Variants in DUS2 observed in about 807,000 individuals in gnomAD.
DUS2 encodes the protein dihydrouridine synthase 2, also known as tRNA-dihydrouridine(20) synthase [NAD(P)+]-like.
DUS2 carries 52 observed loss-of-function variants against 71.3 expected under a neutral mutation model. The ratio of observed to expected loss-of-function variants is 0.73; its 90% CI spans 0.58 to 0.92. The LOEUF is 0.92. DUS2 is among the 40% of genes least tolerant of loss of function. The pLI is 0.00. For synonymous variants in DUS2, 204 were observed against 227.8 expected (o/e 0.90, Z 0.94); for missense variants, 558 against 622.6 (o/e 0.90, Z 1.10).
intron 3 of DUS2, among the ~76,000 whole-genome samples, chr16:68,038,775 C>T (rs1017345813): frequency 1.3e-4 from 19 of 148,826 alleles, no homozygotes; most frequent in South Asian, 2.1e-4. Flanking sequence ...AGAGGCTGGG[C>T]GTGGTAGCTC....
chr16:68,067,298 C>T (rs2151424185), intron 10 of DUS2, among the ~76,000 whole-genome samples: 1 of 79,962 alleles, frequency 1.3e-5, no homozygotes, highest in African/African-American at 5.2e-5. Flanking sequence ...CTCCTCTCCT[C>T]TCCTCCTCTT....
rs146504431 is a variant in DUS2 at position 68,074,091 on chromosome 16, C to T, written c.868C>T (p.Arg290Ter). The change falls in exon 13 of 17, where the codon CGA (arginine) becomes TGA (stop). Residue 290 changes from arginine to a stop codon, truncating the protein, a stop_gained. Transcript: ENST00000565263. LOFTEE classifies it high-confidence loss of function. ...NTKYCLCQML[R>*]EQLESPQGRL... is the part of the protein sequence containing the mutation. ...CAAGTACTGCTTGTGCCAGATGCTA[C>T]GAGAACAGCTGGAGTCGCCCCAGGG... The T allele has an allele frequency of 5.7e-5, 92 of 1,614,088 alleles. No individual in the cohort carries two copies. The highest frequency in any genetic ancestry group is 6.9e-5 in the Non-Finnish European group (82 of 1,180,022).
rs763824619 is a variant in DUS2, at chr16:68,076,689, G to C, written c.1140G>C (p.Arg380Ser). ...TGTGCCTACTAGAGTGGTGCCGGAG[G>C]GAGAAGTTGGCACAGCCTGTGTATG... ...PKMCLLEWCR[R>S]EKLAQPVYET... Residue 380 changes from arginine (R) to serine (S), a missense_variant, in exon 15 of 17, where the codon AGG (arginine) becomes AGC (serine). Arg to Ser is a moderately radical substitution (Grantham distance 110). Coordinates refer to ENST00000565263, the MANE Select transcript of DUS2 (RefSeq NM_017803.5). 4 of 1,614,034 alleles carry C rather than the reference G, an allele frequency of 2.5e-6. No homozygotes were observed. Among genetic ancestry groups the C allele is most frequent in the Non-Finnish European group, 3.4e-6 (4 of 1,179,946 alleles).
intron 2 of DUS2, among the ~76,000 whole-genome samples, chr16:68,032,023 A>G (rs1369407100): frequency 1.3e-5 from 2 of 152,208 alleles, no homozygotes; most frequent in African/African-American, 4.8e-5. Flanking sequence ...ATTGAGCGTA[A>G]TAGAGGAGAC....
chr16:68,049,423 C>A, intron 3 of DUS2, 82 bp from the exon 4 acceptor site: 1 of 1,457,256 alleles, frequency 6.9e-7, no homozygotes, highest in Non-Finnish European at 9.6e-7. Context: ...CCAAGCGATC[C>A]TCATTAGGTG....
At chr16:68,067,057 T>A (rs1210240874) in intron 10 of DUS2, among the ~76,000 whole-genome samples, 3 of 67,142 alleles carry the variant, frequency 4.5e-5, no homozygotes, top group Non-Finnish European at 8.0e-5. Context: ...CTTCCCTCCC[T>A]CCCTCCCTTC....
chr16:68,038,198 C>A (rs1388227439), intron 3 of DUS2, 49 bp downstream of exon 3: 1 of 1,606,070 alleles, frequency 6.2e-7, no homozygotes, highest in African/African-American at 1.3e-5. Context: ...GTACAGACTC[C>A]TCTTCATTTG....
intron 3 of DUS2, among the ~76,000 whole-genome samples, chr16:68,046,895 T>C (rs2033709992): frequency 6.6e-6 from 1 of 151,382 alleles, no homozygotes; most frequent in Non-Finnish European, 1.5e-5. Flanking sequence ...TACAGGCGTC[T>C]GCCACCACAC....
chr16:68,029,518 C>G (rs2033406831), intron 2 of DUS2, among the ~76,000 whole-genome samples: 1 of 151,982 alleles, frequency 6.6e-6, no homozygotes, highest in African/African-American at 2.4e-5. Context: ...ACGATCTTGG[C>G]TCACTGCAGC....
At chr16:68,056,279 G>A in intron 6 of DUS2, 85 bp from the exon 7 acceptor site, 1 of 1,175,554 alleles carries the variant, frequency 8.5e-7, no homozygotes, top group Non-Finnish European at 1.3e-6. Flanking sequence ...AGAGGTTCAT[G>A]AGCACAGGCC....
chr16:68,044,922 A>G (rs1390280270), intron 3 of DUS2, among the ~76,000 whole-genome samples: 2 of 152,064 alleles, frequency 1.3e-5, no homozygotes, highest in Non-Finnish European at 2.9e-5. Context: ...CCTCGCGAGT[A>G]GCTGGGATTA....
chr16:68,077,658 G>C (rs1372643396), intron 15 of DUS2: 4 of 152,300 alleles, frequency 2.6e-5, no homozygotes, highest in Admixed American at 2.6e-4. Context: ...CAAAGTGCTA[G>C]GATTACAGGC....
chr16:68,079,241 C>G lies in DUS2; in HGVS notation c.*255C>G, dbSNP rs993531814. On this transcript the variant is annotated 3_prime_UTR_variant, in exon 17 of 17. Transcript: ENST00000565263. ...GCTTTTCAGGTGGTAACTCCCCAAC[C>G]TGACATTGGTACTGTGCAATAAAGA... The G allele has an allele frequency of 2.5e-6, 1 of 397,966 alleles. No homozygotes were observed. The highest frequency in any genetic ancestry group is 5.9e-5 in the South Asian group (1 of 16,900). 24.7% of individuals were successfully genotyped at this position (397,966 alleles called of 1,614,324 possible).
chr16:68,057,674 G>A (rs959160437), intron 7 of DUS2, among the ~76,000 whole-genome samples: 1 of 152,064 alleles, frequency 6.6e-6, no homozygotes, highest in African/African-American at 2.4e-5. Context: ...GAGGTCAGGA[G>A]TTTGAGACCA....
At chr16:68,069,426 C>T (rs1468922430) in intron 10 of DUS2, among the ~76,000 whole-genome samples, 1 of 152,178 alleles carries the variant, frequency 6.6e-6, no homozygotes, top group Non-Finnish European at 1.5e-5. Flanking sequence ...AGGGGACATA[C>T]TCAGACAAGA....
At chr16:68,061,181 C>G (rs543489852) in intron 8 of DUS2, 68 bp downstream of exon 8, 2 of 1,480,852 alleles carry the variant, frequency 1.4e-6, no homozygotes, top group East Asian at 2.3e-5. Flanking sequence ...TCTAGAACGC[C>G]TCCTTCCACC....
chr16:68,041,102 A>C (rs1261295660), intron 3 of DUS2, among the ~76,000 whole-genome samples: 1 of 152,184 alleles, frequency 6.6e-6, no homozygotes, highest in East Asian at 1.9e-4. Flanking sequence ...GCGGTGGTGC[A>C]CACCTGTAGT....
chr16:68,063,006 A>C (rs2033961175), intron 8 of DUS2, among the ~76,000 whole-genome samples: 2 of 152,346 alleles, frequency 1.3e-5, no homozygotes, highest in South Asian at 4.1e-4. Flanking sequence ...GTGGTTCACA[A>C]CATGAGCACA....
At chr16:68,055,293 G>C (rs767049209) in intron 6 of DUS2, among the ~76,000 whole-genome samples, 85 of 152,082 alleles carry the variant, frequency 5.6e-4, no homozygotes, top group Non-Finnish European at 8.7e-4. Context: ...GGGGAACATA[G>C]GCAGAGCTCA....
Sources: gnomAD v4.1 joint callset for allele counts (sites outside exome capture counted in the v4.1 genomes callset) on GRCh38, gnomAD v4.1.1 for gene constraint, MANE v1.5 for transcripts, NCBI Gene and HGNC (gene_info 2026-07-23, HGNC 2026-07-21) for gene names.